The following SEC14L1 variants were observed in gnomAD, a reference collection of about 807,000 sequenced individuals.
SEC14L1 encodes the protein SEC14 like lipid binding 1, also known as SEC14-like protein 1.
A neutral mutation model predicts 85.3 loss-of-function variants in SEC14L1; 48 were observed. The observed-to-expected ratio is 0.56, with a 90% CI of 0.45 to 0.72. SEC14L1 has a LOEUF of 0.72. Ranked by LOEUF, SEC14L1 falls within the 30% of genes least tolerant of loss-of-function variation. SEC14L1 has a pLI of 0.00. For missense variants in SEC14L1, 682 were observed against 921.4 expected, an observed-to-expected ratio of 0.74 and a Z score of 3.36; for synonymous variants, 391 against 355.5, an observed-to-expected ratio of 1.10 and a Z score of -1.12.
intron 5 of SEC14L1, among the ~76,000 whole-genome samples, chr17:77,192,408 T>A (rs1181282062): frequency 6.6e-6 from 1 of 152,178 alleles, no homozygotes; most frequent in East Asian, 1.9e-4. Context: ...GTTTCCACAG[T>A]TCGCCCAGAG....
Position 77,206,905 on chromosome 17 carries a change from A to G in SEC14L1, c.1476+43A>G. On this transcript the variant is annotated intron_variant, in intron 13 of 16. Transcript: ENST00000436233. This position sits in a 1 kb window ranked among gnomAD's most constrained non-coding sequence, Gnocchi z 4.3. ...GAACTGCACATTTGGCCCCTTATGC[A>G]GGTGGGAGAGGTCGGTGTCGATTTG... The G allele has an allele frequency of 1.4e-6, 2 of 1,455,862 alleles. No homozygotes were observed. Among genetic ancestry groups the G allele is most frequent in the Non-Finnish European group, 1.8e-6 (2 of 1,097,970 alleles). 90.2% of individuals were successfully genotyped at this position (1,455,862 alleles called of 1,614,324 possible). A position where few individuals can be genotyped will look rare whatever the true frequency, so the allele number is the denominator to read the frequency against.
chr17:77,107,982 G>A (rs372641854), intron 3 of SEC14L1, among the ~76,000 whole-genome samples: 2 of 152,030 alleles, frequency 1.3e-5, no homozygotes, highest in African/African-American at 2.4e-5. Flanking sequence ...GGGCTCCAGC[G>A]ATCCTCTCAC....
At chr17:77,133,823 C>T (rs2143456881) in intron 3 of SEC14L1, among the ~76,000 whole-genome samples, 1 of 151,074 alleles carries the variant, frequency 6.6e-6, no homozygotes, top group Non-Finnish European at 1.5e-5. Flanking sequence ...CCTGTAGTCC[C>T]AGCTACTCGG....
intron 3 of SEC14L1, among the ~76,000 whole-genome samples, chr17:77,175,141 G>A (rs1201063756): frequency 1.3e-5 from 2 of 152,190 alleles, no homozygotes; most frequent in Admixed American, 1.3e-4. Context: ...TAAGGAGGTT[G>A]GGCTTCTGAA....
At chr17:77,124,846 A>G (rs1567878992) in intron 3 of SEC14L1, among the ~76,000 whole-genome samples, 1 of 152,096 alleles carries the variant, frequency 6.6e-6, no homozygotes, top group Non-Finnish European at 1.5e-5. Context: ...TAACTGTTTA[A>G]AGCAAGTGAC....
intron 3 of SEC14L1, among the ~76,000 whole-genome samples, chr17:77,114,339 A>G (rs553814265): frequency 6.6e-6 from 1 of 151,946 alleles, no homozygotes; most frequent in East Asian, 1.9e-4. Context: ...CCTGACCAAC[A>G]TGGTGAAAAT....
chr17:77,200,275 T>TCCG (rs1976062294), intron 8 of SEC14L1, among the ~76,000 whole-genome samples: 1 of 152,086 alleles, frequency 6.6e-6, no homozygotes, highest in South Asian at 2.1e-4. Flanking sequence ...GTTCAAGTGA[T>TCCG]CCGCCTGCTT....
chr17:77,147,888 T>G (rs562921492), intron 3 of SEC14L1, among the ~76,000 whole-genome samples: 2 of 152,128 alleles, frequency 1.3e-5, no homozygotes, highest in South Asian at 4.1e-4. Context: ...GTTTGATCAG[T>G]TTTAACCAAA....
At chr17:77,146,458 G>A (rs990051493) in intron 3 of SEC14L1, among the ~76,000 whole-genome samples, 1 of 152,124 alleles carries the variant, frequency 6.6e-6, no homozygotes, top group African/African-American at 2.4e-5. Context: ...AAATTGTGAC[G>A]TTTACCTTGC....
chr17:77,131,312 C>T (rs912948662), intron 3 of SEC14L1, among the ~76,000 whole-genome samples: 4 of 152,134 alleles, frequency 2.6e-5, no homozygotes, highest in Non-Finnish European at 5.9e-5. Context: ...TTTTGTTGCC[C>T]AGGCTGGAGT....
At chr17:77,153,901 T>A (rs1249066876) in intron 3 of SEC14L1, among the ~76,000 whole-genome samples, 2 of 152,220 alleles carry the variant, frequency 1.3e-5, no homozygotes, top group African/African-American at 4.8e-5. Flanking sequence ...GACACTTTTA[T>A]ATAGTTCTAG....
intron 3 of SEC14L1, among the ~76,000 whole-genome samples, chr17:77,169,005 A>ATTTT (rs1974409923): frequency 9.9e-6 from 1 of 101,396 alleles, no homozygotes; most frequent in Non-Finnish European, 1.9e-5. Flanking sequence ...CGTGAGGAGC[A>ATTTT]TCTTTTTTTT....
intron 13 of SEC14L1, among the ~76,000 whole-genome samples, chr17:77,208,193 C>T (rs1976562476): frequency 6.6e-6 from 1 of 152,210 alleles, no homozygotes; most frequent in African/African-American, 2.4e-5. Context: ...TTAGCTTTCA[C>T]TTCATCAGTT....
chr17:77,092,502 A>T (rs1316324644), intron 2 of SEC14L1, among the ~76,000 whole-genome samples: 1 of 152,186 alleles, frequency 6.6e-6, no homozygotes, highest in African/African-American at 2.4e-5. Flanking sequence ...GTACTGAGTA[A>T]TATGTGGCTG....
chr17:77,203,310 C>T (rs2136047), intron 9 of SEC14L1, among the ~76,000 whole-genome samples: 6,785 of 152,188 alleles, frequency 0.045, 290 homozygotes, highest in African/African-American at 0.11. Context: ...CCCCTCATCC[C>T]GGCACAGCCT....
At chr17:77,089,200 T>A in exon 2 of SEC14L1, 1 of 337,454 alleles carries the variant, frequency 3.0e-6, no homozygotes, top group Non-Finnish European at 5.9e-6. Flanking sequence ...GCTGAAAACA[T>A]GCAGCAACCA....
At chr17:77,104,978 C>T (rs1393505464) in intron 3 of SEC14L1, among the ~76,000 whole-genome samples, 1 of 151,742 alleles carries the variant, frequency 6.6e-6, no homozygotes, top group African/African-American at 2.4e-5. Context: ...TACATTGGTT[C>T]GGTCTCTGGA....
chr17:77,105,513 G>A (rs1342130766), intron 3 of SEC14L1, among the ~76,000 whole-genome samples: 1 of 151,980 alleles, frequency 6.6e-6, no homozygotes, highest in Non-Finnish European at 1.5e-5. Context: ...ATGTTTTAGA[G>A]AACATTCAGA....
intron 3 of SEC14L1, among the ~76,000 whole-genome samples, chr17:77,175,239 G>A (rs1285297539): frequency 3.3e-5 from 5 of 151,122 alleles, no homozygotes; most frequent in South Asian, 2.1e-4. Context: ...TCAGGAGGAC[G>A]AGAGAGAGAT....
Sources: gnomAD v4.1 joint callset for allele counts (sites outside exome capture counted in the v4.1 genomes callset) on GRCh38, gnomAD v4.1.1 for gene constraint, Gnocchi (gnomAD v3.1) non-coding constraint, MANE v1.5 for transcripts, NCBI Gene and HGNC (gene_info 2026-07-23, HGNC 2026-07-21) for gene names.